Variants in MARCHF6 observed in about 807,000 individuals in gnomAD.
MARCHF6 encodes the protein membrane associated ring-CH-type finger 6, also known as E3 ubiquitin-protein ligase MARCHF6.
In MARCHF6, 31 loss-of-function variants were observed where a neutral mutation model predicts 133.7. The ratio of observed to expected loss-of-function variants is 0.23; its 90% CI spans 0.17 to 0.31. The LOEUF is 0.31. Among genes scored for constraint, MARCHF6 ranks in the 10% least tolerant of loss-of-function variants. MARCHF6 has a pLI of 1.00. For missense variants in MARCHF6, 723 were observed against 1,121.6 expected (o/e 0.64, Z 5.08); for synonymous variants, 395 against 402.5 (o/e 0.98, Z 0.22).
chr5:10,429,996 T>C lies in MARCHF6; in HGVS notation c.2610T>C (p.Phe870=), dbSNP rs1324978093. 1 of 1,613,676 alleles carries C rather than the reference T, an allele frequency of 6.2e-7. No individual in the cohort carries two copies. Among genetic ancestry groups the C allele is most frequent in the Admixed American group, 1.7e-5 (1 of 60,024 alleles). ...TTTTGTCCTTCCAAGTCCGCCAGTT[T>C]AAGCGCCTTTATGAACATATTAAAA... The part of the protein sequence containing the change: ...MAILSFQVRQ[F]KRLYEHIKND... The change falls in exon 25 of 26, where the codon TTT becomes TTC. Residue 870 remains phenylalanine (F), a synonymous_variant. Transcript: ENST00000274140.
chr5:10,379,591 G>T (rs1176099026), intron 3 of MARCHF6, among the ~76,000 whole-genome samples: 1 of 151,944 alleles, frequency 6.6e-6, no homozygotes, highest in African/African-American at 2.4e-5. Flanking sequence ...CTCCCGAGTA[G>T]CTGGGACTAC....
chr5:10,370,865 T>C (rs1579532743), intron 1 of MARCHF6, among the ~76,000 whole-genome samples: 1 of 152,228 alleles, frequency 6.6e-6, no homozygotes, highest in Non-Finnish European at 1.5e-5. Flanking sequence ...CAGTAATGTA[T>C]GTTTTACTCG....
intron 16 of MARCHF6, among the ~76,000 whole-genome samples, chr5:10,406,802 G>C (rs1392836847): frequency 2.0e-5 from 3 of 152,178 alleles, no homozygotes; most frequent in Non-Finnish European, 4.4e-5. Flanking sequence ...AGGCATTTCT[G>C]CTTCCTCATT....
At chr5:10,429,831 T>C in intron 24 of MARCHF6, 62 bp from the exon 25 acceptor site, 1 of 1,405,546 alleles carries the variant, frequency 7.1e-7, no homozygotes, top group Non-Finnish European at 1.0e-6. Context: ...GAAGGACATG[T>C]TTACGTTTCA....
Position 10,415,510 on chromosome 5 carries a change from G to C in MARCHF6, c.1989G>C (p.Met663Ile). Residue 663 changes from methionine (M) to isoleucine (I), a missense_variant, in exon 21 of 26, where the codon ATG (methionine) becomes ATC (isoleucine). Met to Ile is a conservative substitution (Grantham distance 10). Around this residue, in one of 4 missense-constraint regions of MARCHF6, gnomAD observed 492 missense variants for 699.5 expected, o/e 0.70. Transcript: ENST00000274140. ...TLPVFAGRWLMSFWTGTAKIH... is the reference protein window; with the variant it reads ...TLPVFAGRWLISFWTGTAKIH... Reference sequence around the variant, plus strand: ...CAGTATTTGCTGGCCGTTGGTTAATGTCGTTTTGGACGGGGACTGCCAAAA... The same window carrying C: ...CAGTATTTGCTGGCCGTTGGTTAATCTCGTTTTGGACGGGGACTGCCAAAA... The C allele has an allele frequency of 6.2e-7, 1 of 1,613,056 alleles. No individual in the cohort carries two copies. The highest frequency in any genetic ancestry group is 8.5e-7 in the Non-Finnish European group (1 of 1,179,238).
At chr5:10,390,616 C>A in intron 6 of MARCHF6, 116 bp downstream of exon 6, 1 of 996,754 alleles carries the variant, frequency 1.0e-6, no homozygotes, top group Non-Finnish European at 1.4e-6. Context: ...TTTGTTATTA[C>A]AAAGGAGGGC....
At chr5:10,400,881 A>T (rs368231347) in intron 11 of MARCHF6, 39 bp downstream of exon 11, 3 of 1,415,032 alleles carry the variant, frequency 2.1e-6, no homozygotes, top group Admixed American at 1.7e-5. Flanking sequence ...TTCATTCATT[A>T]CTCCCAAATG....
chr5:10,362,015 G>A (rs997996452), intron 1 of MARCHF6, among the ~76,000 whole-genome samples: 14 of 151,950 alleles, frequency 9.2e-5, no homozygotes, highest in African/African-American at 1.5e-4. Flanking sequence ...CGCCCACCTC[G>A]GCCTCCCAAA....
At chr5:10,417,692 G>C (rs187891543) in intron 22 of MARCHF6, among the ~76,000 whole-genome samples, 13 of 144,846 alleles carry the variant, frequency 9.0e-5, no homozygotes, top group African/African-American at 3.1e-4. Flanking sequence ...ACTGTAGCCT[G>C]GGCAACAGAG....
chr5:10,359,664 GA>G (rs1735692613), intron 1 of MARCHF6, among the ~76,000 whole-genome samples: 1 of 152,136 alleles, frequency 6.6e-6, no homozygotes, highest in African/African-American at 2.4e-5. Context: ...GATGTTCACA[GA>G]TCTGTACTTT....
At position 10,426,518 on chromosome 5, in the gene MARCHF6, A is replaced by G. The variant is rs2126348635; in HGVS notation, c.2502A>G (p.Leu834=). 1.9e-6 allele frequency: 3 copies of G among 1,613,730 alleles called. No individual in the cohort carries two copies. Among genetic ancestry groups the G allele is most frequent in the East Asian group, 2.2e-5 (1 of 44,848 alleles). ...TCATAGCTTCTGGTGTTGTTCCTTT[A>G]CTAGGTACGTAATGCTGGTTGTGGA... ...PYVIASGVVP[L]LGVTAEMQNL... Residue 834 remains leucine (L), a synonymous_variant, in exon 24 of 26, where the codon TTA becomes TTG. Transcript: ENST00000274140.
Position 10,353,734 on chromosome 5 carries a change from C to T in MARCHF6, c.-165C>T, listed in dbSNP as rs948357777. 19 of 281,210 alleles carry T rather than the reference C, an allele frequency of 6.8e-5. No individual in the cohort carries two copies. The highest frequency in any genetic ancestry group is 4.2e-4 in the African/African-American group (18 of 42,996). 17.4% of individuals were successfully genotyped at this position (281,210 alleles called of 1,614,324 possible). ...CCCTCCCGTGTCGCTCGCTTTCTGT[C>T]AGCCTCTCTCCCTCTCCCTCTCCCC... On this transcript the variant is annotated 5_prime_UTR_variant, in exon 1 of 26. Transcript: ENST00000274140.
rs560925186 is a variant in MARCHF6 at position 10,398,506 on chromosome 5, CTG to C, written c.913+1164_913+1165del. ...TTGTTCCCTTTACATGTGGGGGTGTCTGTATGTTATCCTGCATTTATTTTTCA... is the reference window on the plus strand; with the variant it reads ...TTGTTCCCTTTACATGTGGGGGTGTCTATGTTATCCTGCATTTATTTTTCA... On this transcript the variant is annotated intron_variant, in intron 10 of 25. Transcript: ENST00000274140. Among the ~76,000 whole-genome samples, 119 of 151,536 alleles carry C rather than the reference CTG, an allele frequency of 7.9e-4. 1 individual carries two copies. Among genetic ancestry groups the C allele is most frequent in the African/African-American group, 2.8e-3 (115 of 41,320 alleles).
chr5:10,368,424 G>A (rs1191259256), intron 1 of MARCHF6, among the ~76,000 whole-genome samples: 4 of 152,120 alleles, frequency 2.6e-5, no homozygotes, highest in African/African-American at 7.2e-5. Context: ...CTTGAGCCCA[G>A]GAGTTTGAGA....
chr5:10,375,668 G>A (rs1309255252), intron 1 of MARCHF6, among the ~76,000 whole-genome samples: 1 of 152,262 alleles, frequency 6.6e-6, no homozygotes, highest in Non-Finnish European at 1.5e-5. Flanking sequence ...CTCAGGGACT[G>A]CAAACACACC....
At position 10,391,436 on chromosome 5, in the gene MARCHF6, G is replaced by GTTTTT. The variant is rs35378319; in HGVS notation, c.577-82_577-78dup. The GTTTTT allele has an allele frequency of 3.0e-4, 93 of 306,392 alleles. 19 individuals are homozygous for GTTTTT. Among genetic ancestry groups the GTTTTT allele is most frequent in the Admixed American group, 9.6e-4 (11 of 11,492 alleles). The allele number at this position is 306,392 out of a possible 1,614,324, so 19.0% of individuals were successfully genotyped here. A position where few individuals can be genotyped will look rare whatever the true frequency, so the allele number is the denominator to read the frequency against. On this transcript the variant is annotated intron_variant, in intron 6 of 25. Transcript: ENST00000274140. ...GCATGAGCCACTACACCTGGCCTAG[G>GTTTTT]TTTTTTTTTTTTTTTTTTTTTTTTT... is the stretch of plus-strand genomic sequence containing the variant.
rs1404520881 is a variant in MARCHF6, at chr5:10,391,408, CA to C, written c.577-133del. The C allele has an allele frequency of 8.1e-5, 49 of 605,764 alleles. 1 individual carries two copies. The highest frequency in any genetic ancestry group is 3.0e-4 in the Middle Eastern group (1 of 3,282). 37.5% of individuals were successfully genotyped at this position (605,764 alleles called of 1,614,324 possible). A position where few individuals can be genotyped will look rare whatever the true frequency, so the allele number is the denominator to read the frequency against. ...TCAGCCTCCCAAAGTGCTAGGATTA[CA>C]GGCATGAGCCACTACACCTGGCCTA... On this transcript the variant is annotated intron_variant, in intron 6 of 25. Transcript: ENST00000274140.
chr5:10,399,731 T>C (rs904163563), intron 10 of MARCHF6, among the ~76,000 whole-genome samples: 2 of 152,210 alleles, frequency 1.3e-5, no homozygotes, highest in African/African-American at 4.8e-5. Context: ...TTGGTTTCTT[T>C]GAATGAAGAC....
intron 1 of MARCHF6, among the ~76,000 whole-genome samples, chr5:10,360,684 C>T (rs1317728481): frequency 1.3e-5 from 2 of 152,200 alleles, no homozygotes; most frequent in Admixed American, 6.5e-5. Flanking sequence ...CTGGAAGCTA[C>T]AATCTCACTG....
Sources: gnomAD v4.1 joint callset for allele counts (sites outside exome capture counted in the v4.1 genomes callset) on GRCh38, gnomAD v4.1.1 for gene constraint, gnomAD v4.1.1 regional missense constraint, MANE v1.5 for transcripts, NCBI Gene and HGNC (gene_info 2026-07-23, HGNC 2026-07-21) for gene names.